ADAMTSL1: variants seen among roughly 807,000 people sequenced by gnomAD.
The protein encoded by ADAMTSL1 is ADAMTS-like protein 1.
Under a neutral mutation model 201.8 loss-of-function variants are expected in ADAMTSL1, and 126 were observed. The ratio of observed to expected loss-of-function variants is 0.62; its 90% CI spans 0.54 to 0.72. The LOEUF is 0.72. Ranked by LOEUF, ADAMTSL1 falls within the 30% of genes least tolerant of loss-of-function variation. The probability of loss-of-function intolerance (pLI) is 0.00; values close to 1 mark genes in which losing one functional copy is unlikely to be tolerated. For missense variants in ADAMTSL1, 2,679 were observed against 2,277.8 expected (o/e 1.18, Z -3.59); for synonymous variants, 1,121 against 903.4 (o/e 1.24, Z -4.32).
At chr9:18,610,738 T>C (rs946478032) in intron 4 of ADAMTSL1, among the ~76,000 whole-genome samples, 5 of 152,170 alleles carry the variant, frequency 3.3e-5, no homozygotes, top group Non-Finnish European at 5.9e-5. Context: ...GGAGAATTGT[T>C]TGGGGACATA....
intron 2 of ADAMTSL1, among the ~76,000 whole-genome samples, chr9:18,318,169 T>G (rs902474364): frequency 6.6e-5 from 10 of 152,216 alleles, no homozygotes; most frequent in Non-Finnish European, 7.3e-5. Context: ...TATTTTTATG[T>G]TATGCTAATT....
At chr9:18,435,400 A>G (rs1783125549) in intron 2 of ADAMTSL1, among the ~76,000 whole-genome samples, 1 of 152,220 alleles carries the variant, frequency 6.6e-6, no homozygotes, top group Admixed American at 6.5e-5. Context: ...GACTTCACAA[A>G]GTTGTATTCT....
chr9:18,546,043 T>C (rs1271962673), intron 3 of ADAMTSL1, among the ~76,000 whole-genome samples: 2 of 152,232 alleles, frequency 1.3e-5, no homozygotes, highest in Non-Finnish European at 2.9e-5. Context: ...ATTTAATTAG[T>C]TAACAAGTTT....
At chr9:18,903,446 CA>C (rs1830120458) in intron 26 of ADAMTSL1, among the ~76,000 whole-genome samples, 1 of 152,080 alleles carries the variant, frequency 6.6e-6, no homozygotes, top group Non-Finnish European at 1.5e-5. Context: ...GTTACATGTG[CA>C]GATGAGGAAA....
intron 1 of ADAMTSL1, among the ~76,000 whole-genome samples, chr9:18,067,145 A>G (rs943837198): frequency 1.2e-4 from 18 of 152,186 alleles, no homozygotes; most frequent in South Asian, 6.2e-4. Flanking sequence ...AATAAAAAAA[A>G]ATGCAAGTGG....
chr9:18,309,821 TA>T (rs374438993), intron 2 of ADAMTSL1, among the ~76,000 whole-genome samples: 10 of 148,286 alleles, frequency 6.7e-5, no homozygotes, highest in Admixed American at 6.7e-5. Flanking sequence ...TTCACAGAAT[TA>T]AAAAAAAAAC....
chr9:18,166,956 T>A (rs2132107141), intron 2 of ADAMTSL1, among the ~76,000 whole-genome samples: 1 of 152,050 alleles, frequency 6.6e-6, no homozygotes, highest in Admixed American at 6.6e-5. Context: ...TTAGAAAAAC[T>A]TTCTAGCTAG....
intron 2 of ADAMTSL1, among the ~76,000 whole-genome samples, chr9:18,250,172 C>T (rs1831410530): frequency 6.6e-6 from 1 of 152,224 alleles, no homozygotes; most frequent in African/African-American, 2.4e-5. Context: ...AACTCAGACA[C>T]ACAAGCCTGC....
At chr9:18,141,489 C>A (rs1225292514) in intron 1 of ADAMTSL1, among the ~76,000 whole-genome samples, 1 of 152,082 alleles carries the variant, frequency 6.6e-6, no homozygotes, top group Non-Finnish European at 1.5e-5. Context: ...AAACACAAGG[C>A]TCATAGTTGG....
intron 2 of ADAMTSL1, among the ~76,000 whole-genome samples, chr9:18,257,498 A>G (rs762945315): frequency 1.3e-5 from 2 of 152,250 alleles, no homozygotes; most frequent in Non-Finnish European, 2.9e-5. Context: ...TTATTATTCC[A>G]AAATAATAAT....
chr9:18,095,547 C>G (rs953645923), intron 1 of ADAMTSL1, among the ~76,000 whole-genome samples: 1 of 151,256 alleles, frequency 6.6e-6, no homozygotes, highest in East Asian at 1.9e-4. Flanking sequence ...CTCAGCTTCC[C>G]AAGCAGCTGG....
intron 15 of ADAMTSL1, among the ~76,000 whole-genome samples, chr9:18,729,522 C>A (rs1247970386): frequency 2.6e-5 from 4 of 152,164 alleles, no homozygotes; most frequent in Non-Finnish European, 2.9e-5. Flanking sequence ...TTTTATAATG[C>A]CTTAATGGTG....
chr9:18,709,483 A>G (rs1440377860), intron 14 of ADAMTSL1, among the ~76,000 whole-genome samples: 1 of 152,216 alleles, frequency 6.6e-6, no homozygotes, highest in Non-Finnish European at 1.5e-5. Flanking sequence ...GAAATTGGAT[A>G]GACAGAAAAG....
chr9:18,280,693 T>C lies in ADAMTSL1; in HGVS notation c.207+116712T>C, dbSNP rs565528729. Among the ~76,000 whole-genome samples the C allele has an allele frequency of 1.6e-4, 24 of 152,330 alleles. No individual in the cohort carries two copies. The South Asian group carries it at 4.8e-3, about 30-fold the overall frequency. ...TTATAAATAAATTTTAAAATTTCCT[T>C]GTAAAATTGATATTAGTTACGTAGA... On this transcript the variant is annotated intron_variant, in intron 2 of 29. Coordinates refer to the ADAMTSL1 transcript ENST00000680146.
At chr9:18,172,975 T>A (rs1336997193) in intron 2 of ADAMTSL1, among the ~76,000 whole-genome samples, 3 of 152,074 alleles carry the variant, frequency 2.0e-5, no homozygotes, top group Non-Finnish European at 2.9e-5. Flanking sequence ...TTCGCTAACC[T>A]CTTTAGGCAG....
chr9:17,981,657 C>T (rs1452868456), intron 1 of ADAMTSL1, among the ~76,000 whole-genome samples: 2 of 152,130 alleles, frequency 1.3e-5, no homozygotes, highest in African/African-American at 4.8e-5. Flanking sequence ...ACCTTTTATA[C>T]TTATGGATTG....
At chr9:18,086,522 A>G (rs775820135) in intron 1 of ADAMTSL1, among the ~76,000 whole-genome samples, 21 of 152,180 alleles carry the variant, frequency 1.4e-4, no homozygotes, top group Non-Finnish European at 2.9e-4. Context: ...TTTGAATTCC[A>G]TGACTATGAT....
intron 1 of ADAMTSL1, among the ~76,000 whole-genome samples, chr9:18,478,273 A>G (rs1435738049): frequency 1.3e-5 from 2 of 151,958 alleles, no homozygotes; most frequent in African/African-American, 4.8e-5. Flanking sequence ...CTTGGGCTGT[A>G]TTTTGCTTGG....
intron 23 of ADAMTSL1, among the ~76,000 whole-genome samples, chr9:18,838,839 A>C (rs964255285): frequency 6.6e-6 from 1 of 150,712 alleles, no homozygotes; most frequent in Non-Finnish European, 1.5e-5. Flanking sequence ...TCGCACCACT[A>C]CACTGCAGCC....
Sources: gnomAD v4.1 joint callset for allele counts (sites outside exome capture counted in the v4.1 genomes callset) on GRCh38, gnomAD v4.1.1 for gene constraint, MANE v1.5 for transcripts, NCBI Gene and HGNC (gene_info 2026-07-23, HGNC 2026-07-21) for gene names.